The following MYO1D variants were observed in gnomAD, a reference collection of about 807,000 sequenced individuals.
MYO1D encodes myosin ID.
A neutral mutation model predicts 122.0 loss-of-function variants in MYO1D; 83 were observed. That is an observed-to-expected ratio of 0.68 (90% CI 0.57 to 0.82). The LOEUF (loss-of-function observed/expected upper bound fraction) is 0.82, where lower values mean the gene tolerates loss of function less well. MYO1D is among the 40% of genes least tolerant of loss of function. The pLI is 0.00. For missense variants in MYO1D, 1,157 were observed against 1,269.5 expected, an observed-to-expected ratio of 0.91 and a Z score of 1.35; for synonymous variants, 464 against 446.9, an observed-to-expected ratio of 1.04 and a Z score of -0.48.
chr17:32,528,341 G>C (rs1910408740), intron 21 of MYO1D, among the ~76,000 whole-genome samples: 1 of 152,190 alleles, frequency 6.6e-6, no homozygotes, highest in Admixed American at 6.5e-5. Context: ...GAGAGGGTGA[G>C]ATGGGTAGGA....
intron 21 of MYO1D, among the ~76,000 whole-genome samples, chr17:32,602,970 A>C (rs938056509): frequency 6.6e-6 from 1 of 152,194 alleles, no homozygotes; most frequent in African/African-American, 2.4e-5. Context: ...TAAAACTCTA[A>C]GTCAAAATTT....
intron 21 of MYO1D, among the ~76,000 whole-genome samples, chr17:32,552,696 C>T (rs2087028993): frequency 6.6e-6 from 1 of 152,188 alleles, no homozygotes; most frequent in Non-Finnish European, 1.5e-5. Context: ...AATGCTCTTG[C>T]TCCAATGGAA....
intron 1 of MYO1D, among the ~76,000 whole-genome samples, chr17:32,811,297 T>C (rs939921515): frequency 6.6e-6 from 1 of 152,198 alleles, no homozygotes; most frequent in Non-Finnish European, 1.5e-5. Context: ...ACTCATCCTG[T>C]TGTCTTCCTC....
At chr17:32,536,703 C>A (rs1910675996) in intron 21 of MYO1D, among the ~76,000 whole-genome samples, 1 of 152,120 alleles carries the variant, frequency 6.6e-6, no homozygotes, top group African/African-American at 2.4e-5. Flanking sequence ...TTATATTTTT[C>A]ATTTTAAAGT....
intron 16 of MYO1D, among the ~76,000 whole-genome samples, chr17:32,682,675 G>T (rs1198005111): frequency 2.0e-5 from 2 of 99,770 alleles, no homozygotes; most frequent in African/African-American, 1.0e-4. Context: ...CTCTCTGGCT[G>T]CCCTTAACAT....
Position 32,858,497 on chromosome 17 carries a change from G to A in MYO1D, c.95+18281C>T, listed in dbSNP as rs530547360. On this transcript the variant is annotated intron_variant, in intron 1 of 21. Transcript: ENST00000318217. ...AAGGTTACAGGCTAGTTATTTTAAA[G>A]ACTGGCCTTCAATCTGAGCTTGCTA... Among the ~76,000 whole-genome samples the A allele has an allele frequency of 6.6e-5, 10 of 152,292 alleles. No homozygotes were observed. In the South Asian group the frequency reaches 2.1e-3, roughly 32 times the overall value.
intron 1 of MYO1D, among the ~76,000 whole-genome samples, chr17:32,793,867 T>C (rs757618765): frequency 1.3e-5 from 2 of 152,222 alleles, no homozygotes; most frequent in African/African-American, 4.8e-5. Flanking sequence ...CCTCAGAGGA[T>C]TGTTACAAGA....
intron 21 of MYO1D, among the ~76,000 whole-genome samples, chr17:32,528,430 T>C (rs983298582): frequency 6.6e-5 from 10 of 152,038 alleles, no homozygotes; most frequent in Non-Finnish European, 1.5e-4. Flanking sequence ...GAGTAGAACT[T>C]AGGGGTGTGT....
chr17:32,677,939 G>A (rs772448107), intron 16 of MYO1D, among the ~76,000 whole-genome samples: 28 of 152,030 alleles, frequency 1.8e-4, no homozygotes, highest in Non-Finnish European at 3.7e-4. Flanking sequence ...CTCTATAGCC[G>A]CCCTCCAGGT....
chr17:32,859,118 G>C (rs2091049486), intron 1 of MYO1D, among the ~76,000 whole-genome samples: 1 of 152,208 alleles, frequency 6.6e-6, no homozygotes, highest in Admixed American at 6.5e-5. Context: ...ACAATGGACA[G>C]AGATGGGGAA....
chr17:32,601,083 C>T (rs1470952964), intron 21 of MYO1D, among the ~76,000 whole-genome samples: 1 of 151,936 alleles, frequency 6.6e-6, no homozygotes, highest in African/African-American at 2.4e-5. Flanking sequence ...CAGGTGTGCA[C>T]CACCATGCTT....
intron 21 of MYO1D, among the ~76,000 whole-genome samples, chr17:32,506,664 C>T (rs956667333): frequency 3.9e-5 from 6 of 152,348 alleles, no homozygotes; most frequent in Admixed American, 2.0e-4. Flanking sequence ...GTGCAAACCT[C>T]TGGCTAAAAG....
chr17:32,527,594 A>G (rs1167156100), intron 21 of MYO1D, among the ~76,000 whole-genome samples: 1 of 152,068 alleles, frequency 6.6e-6, no homozygotes, highest in Non-Finnish European at 1.5e-5. Flanking sequence ...GGAGTTTCAG[A>G]CCGGCCTGGG....
intron 21 of MYO1D, among the ~76,000 whole-genome samples, chr17:32,556,098 T>C (rs1454680940): frequency 2.6e-5 from 4 of 152,228 alleles, no homozygotes; most frequent in Non-Finnish European, 5.9e-5. Flanking sequence ...GGGAGTGTGA[T>C]GTGTCTAACC....
chr17:32,640,476 T>TC (rs2088181023), intron 19 of MYO1D, among the ~76,000 whole-genome samples: 1 of 71,754 alleles, frequency 1.4e-5, no homozygotes, highest in African/African-American at 5.6e-5. Context: ...CCCTCCCCCC[T>TC]CCCCCCACCC....
At chr17:32,834,538 C>T (rs1020179021) in intron 1 of MYO1D, among the ~76,000 whole-genome samples, 12 of 152,178 alleles carry the variant, frequency 7.9e-5, no homozygotes, top group African/African-American at 2.9e-4. Flanking sequence ...ACCTGAGGAA[C>T]GTTCCAAATG....
At chr17:32,632,877 G>C (rs2088040328) in intron 20 of MYO1D, among the ~76,000 whole-genome samples, 2 of 152,098 alleles carry the variant, frequency 1.3e-5, no homozygotes, top group African/African-American at 4.8e-5. Context: ...ACAGAGCAGA[G>C]AATCCGGAAG....
At chr17:32,714,277 G>A (rs1451319495) in intron 15 of MYO1D, among the ~76,000 whole-genome samples, 1 of 149,982 alleles carries the variant, frequency 6.7e-6, no homozygotes, top group Non-Finnish European at 1.5e-5. Context: ...ATGTCCACGT[G>A]TTCTCATTGT....
chr17:32,814,950 C>T (rs2090601207), intron 1 of MYO1D, among the ~76,000 whole-genome samples: 1 of 152,168 alleles, frequency 6.6e-6, no homozygotes, highest in Admixed American at 6.5e-5. Flanking sequence ...ACAAAAGTGG[C>T]AGAGAATGGA....
Sources: gnomAD v4.1 joint callset for allele counts (sites outside exome capture counted in the v4.1 genomes callset) on GRCh38, gnomAD v4.1.1 for gene constraint, MANE v1.5 for transcripts, NCBI Gene and HGNC (gene_info 2026-07-23, HGNC 2026-07-21) for gene names.